Variants in GADL1 observed in about 807,000 individuals in gnomAD.
The protein encoded by GADL1 is GAD like acidic amino acid decarboxylase 1, also known as acidic amino acid decarboxylase GADL1.
Under a neutral mutation model 69.5 loss-of-function variants are expected in GADL1, and 71 were observed. That is an observed-to-expected ratio of 1.02 (90% confidence interval 0.84 to 1.25). The LOEUF is 1.25. Ranked by LOEUF, GADL1 falls within the 50% of genes most tolerant of loss-of-function variation. GADL1 has a pLI of 0.00. For missense variants in GADL1, 737 were observed against 631.8 expected, an observed-to-expected ratio of 1.17 and a Z score of -1.79; for synonymous variants, 254 against 214.4, an observed-to-expected ratio of 1.18 and a Z score of -1.62.
chr3:30,790,000 C>A (rs532532632), intron 12 of GADL1, among the ~76,000 whole-genome samples: 1 of 152,314 alleles, frequency 6.6e-6, no homozygotes, highest in South Asian at 2.1e-4. Context: ...CCCTCAAGAA[C>A]TTTTCCTTTG....
Position 30,835,159 on chromosome 3 carries a change from C to T in GADL1, c.904-878G>A, listed in dbSNP as rs140457913. Among the ~76,000 whole-genome samples, 226 of 152,088 alleles carry T rather than the reference C, an allele frequency of 1.5e-3. 1 individual carries two copies. The highest frequency in any genetic ancestry group is 5.3e-3 in the African/African-American group (218 of 41,516). On this transcript the variant is annotated intron_variant, in intron 9 of 14. Transcript: ENST00000282538. The stretch of plus-strand genomic sequence containing the variant: ...TGTTCAGGTAAATTGTCCAAGGTCT[C>T]GCCAATGACAAAAATCAGATCTGAG...
At chr3:30,841,581 G>C (rs746635772) in intron 8 of GADL1, among the ~76,000 whole-genome samples, 4 of 152,148 alleles carry the variant, frequency 2.6e-5, no homozygotes, top group Non-Finnish European at 5.9e-5. Flanking sequence ...TGTCTTGCCT[G>C]TGCAGTGTTT....
At chr3:30,805,211 G>A (rs1559504845) in intron 11 of GADL1, among the ~76,000 whole-genome samples, 3 of 152,136 alleles carry the variant, frequency 2.0e-5, no homozygotes, top group East Asian at 3.9e-4. Context: ...TGTACATTTT[G>A]CAACACAGCA....
At chr3:30,818,498 C>T (rs1697513936) in intron 11 of GADL1, among the ~76,000 whole-genome samples, 1 of 151,390 alleles carries the variant, frequency 6.6e-6, no homozygotes, top group South Asian at 2.1e-4. Context: ...ATTTTTTTTT[C>T]CTGAGAATAA....
Position 30,844,370 on chromosome 3 carries a change from G to T in GADL1, c.731+17C>A. ...TTTCCCTCCACCCACCAGGCTTCCA[G>T]ATCCTGTTCCCATTACCTTCCATCT... On this transcript the variant is annotated intron_variant, in intron 7 of 14. Coordinates refer to ENST00000282538, the MANE Select transcript of GADL1 (RefSeq NM_207359.3). The T allele has an allele frequency of 6.2e-7, 1 of 1,603,040 alleles. No individual in the cohort carries two copies. Among genetic ancestry groups the T allele is most frequent in the Non-Finnish European group, 8.5e-7 (1 of 1,169,906 alleles).
chr3:30,766,727 G>A (rs1053628745), intron 14 of GADL1, among the ~76,000 whole-genome samples: 13 of 152,208 alleles, frequency 8.5e-5, no homozygotes, highest in Middle Eastern at 3.4e-3. Context: ...GAGAGAGCAG[G>A]TGGCTCAGTC....
chr3:30,836,690 T>C (rs902447543), intron 9 of GADL1, among the ~76,000 whole-genome samples: 7 of 152,034 alleles, frequency 4.6e-5, no homozygotes, highest in African/African-American at 1.7e-4. Context: ...AAGGCCATGA[T>C]TTTAAATACG....
At chr3:30,834,522 G>C (rs899254247) in intron 9 of GADL1, among the ~76,000 whole-genome samples, 1 of 151,882 alleles carries the variant, frequency 6.6e-6, no homozygotes, top group African/African-American at 2.4e-5. Context: ...ATCATAAATT[G>C]GTATATTAAC....
At chr3:30,865,763 C>A (rs2125538800) in intron 1 of GADL1, among the ~76,000 whole-genome samples, 1 of 152,144 alleles carries the variant, frequency 6.6e-6, no homozygotes, top group South Asian at 2.1e-4. Context: ...ATTCTTGTTA[C>A]CGCAGCCACT....
chr3:30,830,390 C>G (rs902817737), intron 11 of GADL1, among the ~76,000 whole-genome samples: 1 of 151,922 alleles, frequency 6.6e-6, no homozygotes, highest in Admixed American at 6.6e-5. Flanking sequence ...TTATGCTTTT[C>G]TTTTGTCAAT....
intron 14 of GADL1, among the ~76,000 whole-genome samples, chr3:30,766,475 G>A (rs1221042948): frequency 2.0e-5 from 3 of 152,148 alleles, no homozygotes; most frequent in Non-Finnish European, 4.4e-5. Context: ...TATGTAGCCT[G>A]TCCCACTTAG....
intron 14 of GADL1, among the ~76,000 whole-genome samples, chr3:30,752,665 G>A (rs1014383594): frequency 2.6e-5 from 4 of 152,146 alleles, no homozygotes; most frequent in African/African-American, 9.7e-5. Flanking sequence ...ATACTTCATA[G>A]CACTGTGACA....
At chr3:30,888,414 G>A (rs1370398569) in intron 1 of GADL1, among the ~76,000 whole-genome samples, 2 of 152,292 alleles carry the variant, frequency 1.3e-5, no homozygotes, top group African/African-American at 2.4e-5. Context: ...AATCACCATC[G>A]TGGAGTTGCG....
intron 1 of GADL1, among the ~76,000 whole-genome samples, chr3:30,889,084 TA>T (rs60227313): frequency 0.056 from 1,845 of 32,802 alleles, 24 homozygotes; most frequent in Middle Eastern, 0.15. Context: ...CGGTAATCTA[TA>T]AAAAAAAAAA....
At position 30,821,327 on chromosome 3, in the gene GADL1, A is replaced by T. The variant is rs1401911905; in HGVS notation, c.1050+12526T>A. ...ACATGTACCCTAAAACTTAAAGTAT[A>T]ATAATAATAAAGAAAAAAAGAAAAG... On this transcript the variant is annotated intron_variant, in intron 11 of 14. Transcript: ENST00000282538. Among the ~76,000 whole-genome samples the T allele has an allele frequency of 4.7e-5, 7 of 150,348 alleles. No individual in the cohort carries two copies. The East Asian group carries it at 1.4e-3, about 29-fold the overall frequency.
chr3:30,837,003 A>T lies in GADL1; in HGVS notation c.903+1994T>A, dbSNP rs796806530. 3.2e-4 allele frequency among the ~76,000 whole-genome samples: 48 copies of T among 152,296 alleles called. 1 individual carries two copies. The highest frequency in any genetic ancestry group is 1.1e-3 in the African/African-American group (46 of 41,580). Reference sequence around the variant, plus strand: ...CCCCCATTTTTTGTGTACTACTAATAAAAATTGACATCAAAATATCAATTT... The same window carrying T: ...CCCCCATTTTTTGTGTACTACTAATTAAAATTGACATCAAAATATCAATTT... On this transcript the variant is annotated intron_variant, in intron 9 of 14. Coordinates refer to ENST00000282538, the MANE Select transcript of GADL1 (RefSeq NM_207359.3).
intron 14 of GADL1, among the ~76,000 whole-genome samples, chr3:30,753,424 TTTCC>T (rs1218062572): frequency 3.3e-5 from 5 of 152,182 alleles, no homozygotes; most frequent in Admixed American, 3.3e-4. Context: ...GGTTGAGGTT[TTTCC>T]TTAGTTTATT....
In GADL1 at chr3:30,865,254, A is replaced by C. The variant is rs530169686; in HGVS notation, c.38-3489T>G. On this transcript the variant is annotated intron_variant, in intron 1 of 14. Coordinates refer to ENST00000282538, the MANE Select transcript of GADL1 (RefSeq NM_207359.3). Reference sequence around the variant, plus strand: ...CTGCTTTGATTCCAGAGCAGTGACTACCATGGGATATATAATACCCACGTA... The same window carrying C: ...CTGCTTTGATTCCAGAGCAGTGACTCCCATGGGATATATAATACCCACGTA... 1.7e-3 allele frequency among the ~76,000 whole-genome samples: 261 copies of C among 150,968 alleles called. 1 individual carries two copies. Among genetic ancestry groups the C allele is most frequent in the Non-Finnish European group, 3.2e-3 (220 of 67,844 alleles).
chr3:30,819,703 G>A (rs912688847), intron 11 of GADL1, among the ~76,000 whole-genome samples: 1 of 151,858 alleles, frequency 6.6e-6, no homozygotes, highest in East Asian at 1.9e-4. Flanking sequence ...AATGCAAAAA[G>A]TGATTCCTCA....
Sources: allele counts gnomAD v4.1 joint callset (sites outside exome capture counted in the v4.1 genomes callset), GRCh38; gene constraint gnomAD v4.1.1; transcripts MANE v1.5; gene names NCBI Gene and HGNC (gene_info 2026-07-23, HGNC 2026-07-21).